Variants in ACSM5 observed in about 807,000 individuals in gnomAD.
ACSM5 encodes the protein acyl-CoA synthetase medium chain family member 5.
ACSM5 carries 56 observed loss-of-function variants against 71.6 expected under a neutral mutation model. The observed-to-expected ratio is 0.78, with a 90% CI of 0.63 to 0.98. The LOEUF is 0.98. Ranked by LOEUF, ACSM5 falls within the 50% of genes least tolerant of loss-of-function variation. The probability of loss-of-function intolerance (pLI) is 0.00; values close to 1 mark genes in which losing one functional copy is unlikely to be tolerated. For missense variants in ACSM5, 723 were observed against 726.0 expected, an observed-to-expected ratio of 1.00 and a Z score of 0.05; for synonymous variants, 285 against 281.5, an observed-to-expected ratio of 1.01 and a Z score of -0.12.
At chr16:20,414,091 T>G (rs1464835849) in intron 2 of ACSM5, among the ~76,000 whole-genome samples, 1 of 152,160 alleles carries the variant, frequency 6.6e-6, no homozygotes. Flanking sequence ...TCACATGATG[T>G]AATTTTAAAT....
At chr16:20,427,236 G>C (rs7403995) in intron 6 of ACSM5, among the ~76,000 whole-genome samples, 2,103 of 147,150 alleles carry the variant, frequency 0.014, 36 homozygotes, top group African/African-American at 0.049. Context: ...GGAGGCAGAG[G>C]TTGCAGTGAG....
rs1166362191 is a variant in ACSM5, at chr16:20,421,303, C to A, written c.669C>A (p.Asp223Glu). 2 of 1,607,604 alleles carry A rather than the reference C, an allele frequency of 1.2e-6. No individual in the cohort carries two copies. Among genetic ancestry groups the A allele is most frequent in the South Asian group, 2.2e-5 (2 of 90,040 alleles). ...EHNCMRTKSR[D>E]PLAIYFTSGT... ...ACTGCATGAGGACAAAGAGTCGAGA[C>A]CCGCTGGCCATCTACTTTACCAGCG... Residue 223 changes from aspartate (D) to glutamate (E), a missense_variant, in exon 5 of 14, where the codon GAC (aspartate) becomes GAA (glutamate). Coordinates refer to ENST00000331849, the MANE Select transcript of ACSM5 (RefSeq NM_017888.3).
At chr16:20,424,189 G>A in intron 6 of ACSM5, 120 bp downstream of exon 6, 22 of 1,277,938 alleles carry the variant, frequency 1.7e-5, no homozygotes, top group Middle Eastern at 2.8e-4. Context: ...TCTTTGGTGT[G>A]GCTCCCTGGC....
chr16:20,421,151 A>G (rs942801794), intron 4 of ACSM5, 107 bp from the exon 5 acceptor site: 901 of 1,375,666 alleles, frequency 6.5e-4, no homozygotes, highest in Non-Finnish European at 7.8e-4. Context: ...ACAGCACCTC[A>G]CATGTGGTAT....
chr16:20,419,161 A>G (rs1966866078), intron 3 of ACSM5, 67 bp from the exon 4 acceptor site: 2 of 1,485,902 alleles, frequency 1.3e-6, no homozygotes, highest in East Asian at 2.3e-5. Flanking sequence ...TCCTGCCTTC[A>G]TCTCTTACCT....
chr16:20,439,875 G>A lies in ACSM5; in HGVS notation c.1612G>A (p.Glu538Lys), dbSNP rs958131034. Residue 538 changes from glutamate to lysine, a missense_variant, in exon 13 of 14, where the codon GAG becomes AAG. Glu to Lys is a moderately conservative substitution (Grantham distance 56). Transcript: ENST00000331849. ...AGAGGCACTAACGCGGGAACTCCAG[G>A]AGCATGTGAAAAGGGTGACTGCTCC... ...DPEALTRELQ[E>K]HVKRVTAPYK... 2.3e-5 allele frequency: 37 copies of A among 1,612,218 alleles called. 1 individual carries two copies. The highest frequency in any genetic ancestry group is 3.1e-5 in the Non-Finnish European group (36 of 1,178,766).
intron 10 of ACSM5, among the ~76,000 whole-genome samples, chr16:20,436,539 T>C (rs1022106829): frequency 1.3e-5 from 2 of 151,980 alleles, no homozygotes; most frequent in African/African-American, 4.8e-5. Flanking sequence ...CCCAGCTAAT[T>C]TTTTTGTCTT....
intron 12 of ACSM5, among the ~76,000 whole-genome samples, chr16:20,439,005 A>G (rs1967262843): frequency 6.7e-6 from 1 of 148,206 alleles, no homozygotes; most frequent in Non-Finnish European, 1.5e-5. Context: ...TCGTAGTTAC[A>G]GTAGTAAGAG....
Position 20,431,046 on chromosome 16 carries a change from G to A in ACSM5, c.1179G>A (p.Gly393=). The change falls in exon 9 of 14, where the codon GGG becomes GGA. Residue 393 remains glycine (G), a synonymous_variant. Transcript: ENST00000331849. ...TGAAAATCAAGTCTGGATCCATGGG[G>A]AAGGCGTCCCCACCCTACGATGTGC... ...KGMKIKSGSM[G]KASPPYDVQI... is the part of the protein sequence containing the mutation. 1 of 1,613,984 alleles carries A rather than the reference G, an allele frequency of 6.2e-7. No homozygotes were observed.
At chr16:20,415,984 T>C (rs779546514) in intron 2 of ACSM5, among the ~76,000 whole-genome samples, 1 of 152,108 alleles carries the variant, frequency 6.6e-6, no homozygotes, top group African/African-American at 2.4e-5. Context: ...CATTTACTAA[T>C]AGCGTCAAAA....
chr16:20,416,590 A>G (rs1278508079), intron 2 of ACSM5, among the ~76,000 whole-genome samples: 1 of 152,200 alleles, frequency 6.6e-6, no homozygotes, highest in African/African-American at 2.4e-5. Context: ...AAATGTATCA[A>G]AGACCTAAAT....
At chr16:20,439,472 G>A (rs1470842997) in intron 12 of ACSM5, among the ~76,000 whole-genome samples, 9 of 151,964 alleles carry the variant, frequency 5.9e-5, no homozygotes, top group South Asian at 4.2e-4. Flanking sequence ...GGCCCTAGGA[G>A]TTTATGAACC....
intron 10 of ACSM5, among the ~76,000 whole-genome samples, chr16:20,431,954 A>AAAT (rs1567346567): frequency 1.4e-5 from 2 of 143,742 alleles, no homozygotes; most frequent in Admixed American, 1.4e-4. Context: ...CAAAAAAAAA[A>AAAT]AATAATAATA....
At chr16:20,429,498 A>G (rs1251386561) in intron 7 of ACSM5, among the ~76,000 whole-genome samples, 180 bp from the exon 8 acceptor site, 1 of 152,174 alleles carries the variant, frequency 6.6e-6, no homozygotes, top group African/African-American at 2.4e-5. Context: ...TCTTTTAAAA[A>G]TTATCTGTCC....
At chr16:20,415,809 G>C (rs1966855239) in intron 2 of ACSM5, among the ~76,000 whole-genome samples, 1 of 152,124 alleles carries the variant, frequency 6.6e-6, no homozygotes, top group South Asian at 2.1e-4. Flanking sequence ...AGAGTTGCTT[G>C]GGATTGGTGA....
At chr16:20,426,750 A>G (rs961951053) in intron 6 of ACSM5, among the ~76,000 whole-genome samples, 1 of 152,206 alleles carries the variant, frequency 6.6e-6, no homozygotes, top group Non-Finnish European at 1.5e-5. Context: ...ACCAGGAGTT[A>G]GGGGAGAGAT....
chr16:20,418,034 T>G lies in ACSM5; in HGVS notation c.205-25T>G, dbSNP rs375819451. The G allele has an allele frequency of 1.3e-4, 212 of 1,590,342 alleles. 1 individual carries two copies. The African/African-American group carries it at 2.4e-3, about 18-fold the overall frequency. On this transcript the variant is annotated intron_variant, in intron 2 of 13. Transcript: ENST00000331849. Reference sequence around the variant, plus strand: ...AAATTCTCAATAAATTGCTTCTTTTTTTTTCTGCCTGTACCACCATCTAGG... The same window carrying G: ...AAATTCTCAATAAATTGCTTCTTTTGTTTTCTGCCTGTACCACCATCTAGG...
In ACSM5 at chr16:20,419,544, A is replaced by C. The variant is rs1966869247; in HGVS notation, c.623+109A>C. ...ACACATAGAGAGCGAATCAGAGAGG[A>C]GCACTCCCATTGGCAGCCAGGCTGA... On this transcript the variant is annotated intron_variant, in intron 4 of 13. Coordinates refer to ENST00000331849, the MANE Select transcript of ACSM5 (RefSeq NM_017888.3). The C allele has an allele frequency of 2.7e-6, 3 of 1,112,170 alleles. No individual in the cohort carries two copies. In the African/African-American group the frequency reaches 4.6e-5, roughly 17 times the overall value. 68.9% of individuals were successfully genotyped at this position (1,112,170 alleles called of 1,614,324 possible).
chr16:20,436,938 C>G, intron 10 of ACSM5, 114 bp from the exon 11 acceptor site: 1 of 1,219,126 alleles, frequency 8.2e-7, no homozygotes, highest in South Asian at 1.4e-5. Flanking sequence ...ACTTTAGGAA[C>G]TGCTGAACTT....
Sources: gnomAD v4.1 joint callset for allele counts (sites outside exome capture counted in the v4.1 genomes callset) on GRCh38, gnomAD v4.1.1 for gene constraint, MANE v1.5 for transcripts, NCBI Gene and HGNC (gene_info 2026-07-23, HGNC 2026-07-21) for gene names.